Variants in CUX2 observed in about 807,000 individuals in gnomAD.
CUX2 encodes cut like homeobox 2, also known as homeobox protein cut-like 2.
In CUX2, 40 loss-of-function variants were observed where a neutral mutation model predicts 144.8. The observed-to-expected ratio is 0.28, with a 90% CI of 0.21 to 0.36. The LOEUF is 0.36. Ranked by LOEUF, CUX2 falls within the 10% of genes least tolerant of loss-of-function variation. The pLI is 1.00. For missense variants in CUX2, 1,615 were observed against 1,994.0 expected (o/e 0.81, Z 3.62); for synonymous variants, 827 against 875.6 (o/e 0.94, Z 0.98).
intron 1 of CUX2, among the ~76,000 whole-genome samples, chr12:111,124,989 C>G (rs1223702758): frequency 6.6e-6 from 1 of 152,100 alleles, no homozygotes; most frequent in Admixed American, 6.6e-5. Flanking sequence ...TGTGGCCAGT[C>G]TCAGAGAATG....
At chr12:111,162,552 T>G (rs180942719) in intron 1 of CUX2, among the ~76,000 whole-genome samples, 1 of 152,314 alleles carries the variant, frequency 6.6e-6, no homozygotes. Context: ...GGGACAGCTC[T>G]CTCCATCACA....
rs1387788943 is a variant in CUX2, at chr12:111,077,318, G to A, written c.63+43078G>A. Among the ~76,000 whole-genome samples the A allele has an allele frequency of 6.6e-6, 1 of 152,176 alleles. No homozygotes were observed. Among genetic ancestry groups the A allele is most frequent in the Non-Finnish European group, 1.5e-5 (1 of 68,032 alleles). ...TGTGGCAGGGCCCGGGAAGACGTGG[G>A]TAATGTATTCACAGACATGACTCCC... On this transcript the variant is annotated intron_variant, in intron 1 of 21. Coordinates refer to ENST00000261726, the MANE Select transcript of CUX2 (RefSeq NM_015267.4). The surrounding 1 kb of genome is among the most constrained non-coding windows in gnomAD (Gnocchi z 4.1).
In CUX2 at chr12:111,277,485, G is replaced by A. The variant is rs573997724; in HGVS notation, c.301+13646G>A. ...GCTAGCTGCCTCATTAGGGCTCCGC[G>A]GAGACACCACTCCCCTCACCAGGCT... On this transcript the variant is annotated intron_variant, in intron 4 of 21. Coordinates refer to ENST00000261726, the MANE Select transcript of CUX2 (RefSeq NM_015267.4). The surrounding 1 kb of genome is among the most constrained non-coding windows in gnomAD (Gnocchi z 5.0). Among the ~76,000 whole-genome samples, 15 of 151,892 alleles carry A rather than the reference G, an allele frequency of 9.9e-5. No individual in the cohort carries two copies. Among genetic ancestry groups the A allele is most frequent in the African/African-American group, 3.6e-4 (15 of 41,406 alleles).
At chr12:111,080,564 A>G (rs921855669) in intron 1 of CUX2, among the ~76,000 whole-genome samples, 32 of 151,742 alleles carry the variant, frequency 2.1e-4, no homozygotes, top group Admixed American at 1.9e-3. Context: ...TCATAGTCCT[A>G]GCTACTCAAG....
At chr12:111,241,202 G>A (rs1247437428) in intron 3 of CUX2, among the ~76,000 whole-genome samples, 1 of 152,064 alleles carries the variant, frequency 6.6e-6, no homozygotes. Context: ...GAGAAACCAA[G>A]GAAGCAAGAC....
Position 111,341,908 on chromosome 12 carries a change from C to T in CUX2, c.3514C>T (p.Arg1172Trp), listed in dbSNP as rs2136448555. ...DLSLLQIKKP[R>W]VVLAPEEKEA... ...GAGCCTCCTGCAGATCAAGAAGCCCCGGGTGGTGCTGGCACCCGAGGAGAA... is the reference window on the plus strand; with the variant it reads ...GAGCCTCCTGCAGATCAAGAAGCCCTGGGTGGTGCTGGCACCCGAGGAGAA... Residue 1172 changes from arginine (R) to tryptophan (W), a missense_variant, in exon 21 of 22, where the codon CGG becomes TGG. This residue lies in a region of CUX2 where 131 missense variants were observed against 223.1 expected (regional missense o/e 0.59). Coordinates refer to ENST00000261726, the MANE Select transcript of CUX2 (RefSeq NM_015267.4). The T allele has an allele frequency of 1.9e-6, 3 of 1,614,100 alleles. No homozygotes were observed. Among genetic ancestry groups the T allele is most frequent in the Non-Finnish European group, 2.5e-6 (3 of 1,180,024 alleles).
intron 3 of CUX2, among the ~76,000 whole-genome samples, chr12:111,235,830 G>C (rs1882711864): frequency 6.6e-6 from 1 of 152,168 alleles, no homozygotes; most frequent in African/African-American, 2.4e-5. Flanking sequence ...GGGGATCCAG[G>C]TTGATGTGGC....
At chr12:111,324,154 G>T (rs996515240) in intron 18 of CUX2, among the ~76,000 whole-genome samples, 7 of 152,140 alleles carry the variant, frequency 4.6e-5, no homozygotes, top group East Asian at 3.9e-4. Context: ...TTCGAGACCA[G>T]TCTGGCCAAC....
chr12:111,238,618 A>G (rs1014548526), intron 3 of CUX2, among the ~76,000 whole-genome samples: 2 of 152,188 alleles, frequency 1.3e-5, no homozygotes, highest in African/African-American at 4.8e-5. Context: ...GCCCTTAACT[A>G]TTATTTATTA....
chr12:111,341,646 G>A (rs1353342149), intron 20 of CUX2, 134 bp from the exon 21 acceptor site: 6 of 989,580 alleles, frequency 6.1e-6, no homozygotes, highest in Non-Finnish European at 3.0e-6. Flanking sequence ...GCTGGGGGGC[G>A]GGCCTCTAAG....
intron 3 of CUX2, among the ~76,000 whole-genome samples, chr12:111,232,016 G>T (rs1053935403): frequency 6.6e-6 from 1 of 151,952 alleles, no homozygotes; most frequent in Non-Finnish European, 1.5e-5. Flanking sequence ...TGAGGCAGGA[G>T]AATTGCTTGA....
chr12:111,333,052 A>C (rs771779030), intron 18 of CUX2, among the ~76,000 whole-genome samples: 5 of 152,156 alleles, frequency 3.3e-5, no homozygotes, highest in Non-Finnish European at 5.9e-5. Context: ...TACTAAGAAT[A>C]CAAAAAATTA....
intron 1 of CUX2, among the ~76,000 whole-genome samples, chr12:111,172,166 T>A (rs112917569): frequency 0.013 from 2,018 of 152,284 alleles, 39 homozygotes; most frequent in African/African-American, 0.045. Flanking sequence ...TGTGTGTGTG[T>A]TTGTGTGTGT....
chr12:111,161,234 A>C (rs1566263891), intron 1 of CUX2, among the ~76,000 whole-genome samples: 1 of 152,134 alleles, frequency 6.6e-6, no homozygotes, highest in East Asian at 1.9e-4. Context: ...TCTGATGGGC[A>C]ACACCCATTA....
intron 1 of CUX2, among the ~76,000 whole-genome samples, chr12:111,076,215 G>A (rs905699830): frequency 6.6e-6 from 1 of 152,194 alleles, no homozygotes; most frequent in Non-Finnish European, 1.5e-5. Context: ...GCTGGGATGT[G>A]CAGTTGAGGA....
Position 111,291,441 on chromosome 12 carries a change from G to A in CUX2, c.325G>A (p.Ala109Thr), listed in dbSNP as rs1885679097. The A allele has an allele frequency of 1.9e-6, 3 of 1,611,380 alleles. No homozygotes were observed. Among genetic ancestry groups the A allele is most frequent in the Non-Finnish European group, 2.5e-6 (3 of 1,178,802 alleles). ...APDPVPVFEA[A>T]RSLDDRLQPP... Reference sequence around the variant, plus strand: ...AGACCCCGTGCCTGTGTTTGAGGCGGCACGCAGCCTAGACGACAGACTGCA... The same window carrying A: ...AGACCCCGTGCCTGTGTTTGAGGCGACACGCAGCCTAGACGACAGACTGCA... Residue 109 changes from alanine (A) to threonine (T), a missense_variant, in exon 5 of 22, where the codon GCA (alanine) becomes ACA (threonine). This residue lies in a region of CUX2 where 295 missense variants were observed against 400.2 expected (regional missense o/e 0.74). Coordinates refer to ENST00000261726, the MANE Select transcript of CUX2 (RefSeq NM_015267.4).
At chr12:111,303,087 A>G (rs61514321) in intron 9 of CUX2, among the ~76,000 whole-genome samples, 15,145 of 150,982 alleles carry the variant, frequency 0.1, 872 homozygotes, top group South Asian at 0.19. Flanking sequence ...CCGTCATGGT[A>G]GTGCACACCT....
At position 111,334,715 on chromosome 12, in the gene CUX2, G is replaced by A. The variant is rs748014345; in HGVS notation, c.3196+5G>A. ...TCCTCACAGACAACAATCTAGGTAC[G>A]GAGCGGGTGGGAATCGGAGAGGCTG... On this transcript the variant is annotated splice_donor_5th_base_variant and intron_variant, in intron 19 of 21. Coordinates refer to ENST00000261726, the MANE Select transcript of CUX2 (RefSeq NM_015267.4). The A allele has an allele frequency of 2.5e-6, 4 of 1,586,742 alleles. No individual in the cohort carries two copies. The highest frequency in any genetic ancestry group is 1.7e-5 in the Admixed American group (1 of 57,648).
intron 1 of CUX2, among the ~76,000 whole-genome samples, chr12:111,170,903 G>A (rs908309585): frequency 4.6e-5 from 7 of 152,146 alleles, no homozygotes; most frequent in Non-Finnish European, 1.0e-4. Flanking sequence ...AGCCATGGGA[G>A]TGTCTCCTGG....
Sources: allele counts gnomAD v4.1 joint callset (sites outside exome capture counted in the v4.1 genomes callset), GRCh38; gene constraint gnomAD v4.1.1; regional missense constraint gnomAD v4.1.1; non-coding constraint Gnocchi (gnomAD v3.1); transcripts MANE v1.5; gene names NCBI Gene and HGNC (gene_info 2026-07-23, HGNC 2026-07-21).